Variants in RBFOX1 observed in about 807,000 individuals in gnomAD.
The protein encoded by RBFOX1 is RNA binding fox-1 homolog 1, also known as RNA binding protein fox-1 homolog 1.
A neutral mutation model predicts 57.7 loss-of-function variants in RBFOX1; 8 were observed. The ratio of observed to expected loss-of-function variants is 0.14; its 90% CI spans 0.08 to 0.25. The LOEUF is 0.25. Ranked by LOEUF, RBFOX1 falls within the 10% of genes least tolerant of loss-of-function variation. The pLI is 1.00. For synonymous variants in RBFOX1, 326 were observed against 222.4 expected, an observed-to-expected ratio of 1.47 and a Z score of -4.15; for missense variants, 611 against 548.5, an observed-to-expected ratio of 1.11 and a Z score of -1.14.
chr16:6,483,777 T>G, intron 2 of RBFOX1: 17 of 1,382,670 alleles, frequency 1.2e-5, no homozygotes, highest in East Asian at 8.2e-5. Flanking sequence ...TGTCCAACGT[T>G]AGCGCAGACA....
chr16:6,668,434 C>T (rs146252849), intron 3 of RBFOX1, among the ~76,000 whole-genome samples: 26 of 152,304 alleles, frequency 1.7e-4, no homozygotes, highest in Admixed American at 5.2e-4. Flanking sequence ...CCCAAAGATG[C>T]TTCTGTTCTT....
chr16:7,037,795 T>C (rs1268090237), intron 3 of RBFOX1, among the ~76,000 whole-genome samples: 1 of 152,208 alleles, frequency 6.6e-6, no homozygotes, highest in African/African-American at 2.4e-5. Flanking sequence ...CTTTCGATTT[T>C]GTTCTCTGAA....
chr16:7,385,008 A>C (rs1439060721), intron 4 of RBFOX1, among the ~76,000 whole-genome samples: 2 of 152,228 alleles, frequency 1.3e-5, no homozygotes, highest in Non-Finnish European at 2.9e-5. Context: ...AATCATGCCA[A>C]GGCAGAGAGA....
intron 3 of RBFOX1, among the ~76,000 whole-genome samples, chr16:6,727,920 A>G (rs2067626268): frequency 6.6e-6 from 1 of 152,158 alleles, no homozygotes; most frequent in African/African-American, 2.4e-5. Flanking sequence ...CCTGTTTTGG[A>G]AGGCTAGTTC....
chr16:6,290,979 G>A (rs1456406152), intron 1 of RBFOX1, among the ~76,000 whole-genome samples: 1 of 152,098 alleles, frequency 6.6e-6, no homozygotes, highest in Non-Finnish European at 1.5e-5. Context: ...TATTTTTGTG[G>A]TTATTTCTTG....
intron 2 of RBFOX1, among the ~76,000 whole-genome samples, chr16:6,519,617 C>G (rs2096460956): frequency 6.6e-6 from 1 of 152,154 alleles, no homozygotes; most frequent in African/African-American, 2.4e-5. Flanking sequence ...CAGAGAATTG[C>G]TTGAACCCGG....
intron 3 of RBFOX1, among the ~76,000 whole-genome samples, chr16:6,726,699 T>G (rs908654430): frequency 2.6e-5 from 4 of 152,168 alleles, no homozygotes; most frequent in Non-Finnish European, 5.9e-5. Context: ...CCCCTGGGCT[T>G]GCCTGTGCGT....
chr16:6,785,846 C>G (rs1487546129), intron 3 of RBFOX1, among the ~76,000 whole-genome samples: 2 of 134,574 alleles, frequency 1.5e-5, no homozygotes, highest in African/African-American at 2.9e-5. Context: ...GAATTAGACT[C>G]AAAGTCCATT....
chr16:6,123,402 A>G (rs948681486), intron 1 of RBFOX1, among the ~76,000 whole-genome samples: 1 of 152,234 alleles, frequency 6.6e-6, no homozygotes, highest in Non-Finnish European at 1.5e-5. Context: ...GAAACCAGAT[A>G]TAAAGGGACA....
intron 3 of RBFOX1, among the ~76,000 whole-genome samples, chr16:6,747,539 G>T (rs544642447): frequency 6.6e-6 from 1 of 152,250 alleles, no homozygotes; most frequent in Admixed American, 6.5e-5. Context: ...TAAGAAGCCT[G>T]TTGGGGCAGT....
intron 4 of RBFOX1, among the ~76,000 whole-genome samples, chr16:5,915,693 A>G (rs2058690332): frequency 6.6e-6 from 1 of 152,240 alleles, no homozygotes; most frequent in East Asian, 1.9e-4. Flanking sequence ...TTAGCCTGGC[A>G]TGGTGGCGCT....
At chr16:7,173,171 A>T (rs999456139) in intron 4 of RBFOX1, among the ~76,000 whole-genome samples, 3 of 152,242 alleles carry the variant, frequency 2.0e-5, no homozygotes, top group Non-Finnish European at 4.4e-5. Flanking sequence ...AACAAAAATC[A>T]TACAACTGTT....
At chr16:5,469,435 C>T (rs1051481801) in intron 2 of RBFOX1, among the ~76,000 whole-genome samples, 5 of 152,314 alleles carry the variant, frequency 3.3e-5, no homozygotes, top group South Asian at 2.1e-4. Context: ...GCCTTATTCA[C>T]GTGCATTCAT....
intron 3 of RBFOX1, among the ~76,000 whole-genome samples, chr16:5,810,990 C>T (rs1012328713): frequency 7.2e-5 from 11 of 152,122 alleles, no homozygotes; most frequent in African/African-American, 2.4e-4. Context: ...AAATATCCAT[C>T]ACTCCAATGG....
intron 1 of RBFOX1, among the ~76,000 whole-genome samples, chr16:5,295,654 G>T (rs895996051): frequency 6.6e-6 from 1 of 152,180 alleles, no homozygotes; most frequent in African/African-American, 2.4e-5. Context: ...TGACATGGCA[G>T]CTCACATCTT....
At chr16:6,829,958 C>T (rs1004341841) in intron 3 of RBFOX1, among the ~76,000 whole-genome samples, 4 of 150,670 alleles carry the variant, frequency 2.7e-5, no homozygotes, top group African/African-American at 9.8e-5. Flanking sequence ...CTCTTGTTGC[C>T]CAGGCTGGAG....
chr16:7,201,666 G>T (rs2088530708), intron 4 of RBFOX1, among the ~76,000 whole-genome samples: 1 of 152,052 alleles, frequency 6.6e-6, no homozygotes, highest in South Asian at 2.1e-4. Context: ...GTTTCACCTT[G>T]TTGGCTAGGC....
rs867463334 is a variant in RBFOX1, at chr16:6,404,072, G to T, written c.-64+87015G>T. ...TTAACTCACCTAGCCTATACAGCTGGCTCTCCATGTCCATGGACTCGGCAT... is the reference window on the plus strand; with the variant it reads ...TTAACTCACCTAGCCTATACAGCTGTCTCTCCATGTCCATGGACTCGGCAT... On this transcript the variant is annotated intron_variant, in intron 2 of 15. Transcript: ENST00000550418. 7.2e-5 allele frequency among the ~76,000 whole-genome samples: 11 copies of T among 152,164 alleles called. No individual in the cohort carries two copies. In the South Asian group the frequency reaches 1.2e-3, roughly 17 times the overall value.
At chr16:6,438,381 G>C (rs1431242207) in intron 2 of RBFOX1, among the ~76,000 whole-genome samples, 1 of 152,118 alleles carries the variant, frequency 6.6e-6, no homozygotes, top group Non-Finnish European at 1.5e-5. Flanking sequence ...CTAAGAAGTG[G>C]TGGAGTTGGA....
Sources: allele counts gnomAD v4.1 joint callset (sites outside exome capture counted in the v4.1 genomes callset), GRCh38; gene constraint gnomAD v4.1.1; transcripts MANE v1.5; gene names NCBI Gene and HGNC (gene_info 2026-07-23, HGNC 2026-07-21).